GRAMD2B: variants seen among roughly 807,000 people sequenced by gnomAD.
The protein encoded by GRAMD2B is GRAM domain containing 2B, also known as GRAM domain-containing protein 2B.
Under a neutral mutation model 59.2 loss-of-function variants are expected in GRAMD2B, and 41 were observed. The observed-to-expected ratio is 0.69, with a 90% CI of 0.54 to 0.90. The LOEUF (loss-of-function observed/expected upper bound fraction) is 0.90. Among genes scored for constraint, GRAMD2B ranks in the 40% least tolerant of loss-of-function variants. GRAMD2B has a pLI of 0.00. For missense variants in GRAMD2B, 424 were observed against 500.5 expected (o/e 0.85, Z 1.46); for synonymous variants, 161 against 182.7 (o/e 0.88, Z 0.96).
intron 1 of GRAMD2B, among the ~76,000 whole-genome samples, chr5:126,395,062 T>A (rs917972815): frequency 1.0e-4 from 15 of 149,700 alleles, no homozygotes; most frequent in African/African-American, 3.7e-4. Flanking sequence ...TGCTTTTGGT[T>A]GCAGTTCTTA....
chr5:126,381,072 C>G (rs55873269), intron 1 of GRAMD2B, among the ~76,000 whole-genome samples: 1,754 of 152,084 alleles, frequency 0.012, 18 homozygotes, highest in South Asian at 0.019. Flanking sequence ...AAACTATGTC[C>G]CTTGTATGCT....
At chr5:126,398,342 T>C (rs1048078472) in intron 1 of GRAMD2B, among the ~76,000 whole-genome samples, 1 of 152,114 alleles carries the variant, frequency 6.6e-6, no homozygotes, top group Non-Finnish European at 1.5e-5. Context: ...TTCTGTATCT[T>C]CATGATTCAG....
chr5:126,376,735 G>A (rs903758503), intron 1 of GRAMD2B, among the ~76,000 whole-genome samples: 1 of 152,162 alleles, frequency 6.6e-6, no homozygotes, highest in African/African-American at 2.4e-5. Flanking sequence ...TGAGATGGAA[G>A]CATTCAAAGG....
intron 6 of GRAMD2B, 23 bp downstream of exon 6, chr5:126,477,810 G>A (rs1770914311): frequency 3.4e-6 from 5 of 1,453,358 alleles, no homozygotes; most frequent in Non-Finnish European, 3.9e-6. Context: ...CCGAGCGAGG[G>A]CATCTTTGCT....
chr5:126,364,532 C>T (rs1016151590), intron 1 of GRAMD2B, among the ~76,000 whole-genome samples: 3 of 152,164 alleles, frequency 2.0e-5, no homozygotes, highest in South Asian at 2.1e-4. Context: ...GTTGCTGGTA[C>T]GTTTTCATTC....
chr5:126,452,154 A>T (rs2126686857), intron 1 of GRAMD2B, among the ~76,000 whole-genome samples: 1 of 152,316 alleles, frequency 6.6e-6, no homozygotes, highest in South Asian at 2.1e-4. Context: ...TTTATTTCTC[A>T]TGGTTTTGGA....
intron 12 of GRAMD2B, among the ~76,000 whole-genome samples, chr5:126,487,966 G>C (rs1773256794): frequency 6.6e-6 from 1 of 152,150 alleles, no homozygotes; most frequent in Non-Finnish European, 1.5e-5. Flanking sequence ...CTGGGATGAG[G>C]CCTGAGAATT....
At chr5:126,437,378 T>C (rs1580983571) in intron 1 of GRAMD2B, among the ~76,000 whole-genome samples, 1 of 152,322 alleles carries the variant, frequency 6.6e-6, no homozygotes, top group East Asian at 1.9e-4. Context: ...GCGTGGATTA[T>C]GATGCCATTG....
At chr5:126,475,903 G>A (rs1391887882) in intron 5 of GRAMD2B, among the ~76,000 whole-genome samples, 2 of 152,224 alleles carry the variant, frequency 1.3e-5, no homozygotes, top group Non-Finnish European at 2.9e-5. Flanking sequence ...GAGGTCAGGA[G>A]TTTGAGACCA....
chr5:126,491,079 G>A (rs2126987635), intron 13 of GRAMD2B, among the ~76,000 whole-genome samples: 1 of 152,244 alleles, frequency 6.6e-6, no homozygotes, highest in South Asian at 2.1e-4. Context: ...AATTATTACT[G>A]AGGCTGAACA....
intron 6 of GRAMD2B, 38 bp downstream of exon 6, chr5:126,477,825 C>G: frequency 8.0e-7 from 1 of 1,247,398 alleles, no homozygotes; most frequent in Non-Finnish European, 1.2e-6. Flanking sequence ...TTTGCTTTGT[C>G]CTCCTGCTCT....
upstream of GRAMD2B, chr5:126,423,366 C>A: frequency 7.5e-7 from 1 of 1,331,664 alleles, no homozygotes; most frequent in Non-Finnish European, 9.6e-7. Flanking sequence ...CGCTTCGACC[C>A]TCCCCTTCCC....
At position 126,465,483 on chromosome 5, in the gene GRAMD2B, C is replaced by T. The variant is rs2126783867; in HGVS notation, c.141C>T (p.Ala47=). 1.2e-6 allele frequency: 2 copies of T among 1,614,142 alleles called. No homozygotes were observed. Among genetic ancestry groups the T allele is most frequent in the Non-Finnish European group, 1.7e-6 (2 of 1,180,032 alleles). Residue 47 remains alanine (A), a synonymous_variant, in exon 2 of 14, where the codon GCC becomes GCT. Transcript: ENST00000285689. ...AGAAAGCCTGCAGGTCGCCAACAGC[C>T]CAATCCCCTACCCCATCTGTGGAGG... is the stretch of plus-strand genomic sequence containing the variant. ...EKKKACRSPT[A]QSPTPSVEAD...
At chr5:126,388,620 G>A (rs1756405920) in intron 1 of GRAMD2B, among the ~76,000 whole-genome samples, 1 of 150,554 alleles carries the variant, frequency 6.6e-6, no homozygotes, top group Admixed American at 6.7e-5. Context: ...CACATTTTTG[G>A]GAATATTCAT....
chr5:126,410,086 C>G (rs1195094273), intron 1 of GRAMD2B, among the ~76,000 whole-genome samples: 1 of 151,946 alleles, frequency 6.6e-6, no homozygotes, highest in African/African-American at 2.4e-5. Context: ...GTTTTGGTTA[C>G]TGTAGCCTTG....
intron 13 of GRAMD2B, among the ~76,000 whole-genome samples, chr5:126,489,576 C>G (rs1458247158): frequency 3.3e-5 from 5 of 152,162 alleles, no homozygotes; most frequent in Non-Finnish European, 7.4e-5. Flanking sequence ...TTGATAAGGC[C>G]ACAGATGTAC....
chr5:126,401,233 T>A (rs1226677145), intron 1 of GRAMD2B, among the ~76,000 whole-genome samples: 1 of 152,002 alleles, frequency 6.6e-6, no homozygotes, highest in South Asian at 2.1e-4. Flanking sequence ...TTGCTTAAGC[T>A]CTCTATTGAA....
At chr5:126,465,780 A>T (rs1029491168) in intron 2 of GRAMD2B, among the ~76,000 whole-genome samples, 10 of 152,122 alleles carry the variant, frequency 6.6e-5, no homozygotes, top group African/African-American at 2.4e-4. Context: ...TTGCTAAGTG[A>T]TGAGGCCAGG....
chr5:126,386,058 T>C (rs995668466), intron 1 of GRAMD2B, among the ~76,000 whole-genome samples: 2 of 152,218 alleles, frequency 1.3e-5, no homozygotes, highest in Admixed American at 1.3e-4. Flanking sequence ...ACTTCAAAGC[T>C]TAATTATCCC....
Sources: allele counts gnomAD v4.1 joint callset (sites outside exome capture counted in the v4.1 genomes callset), GRCh38; gene constraint gnomAD v4.1.1; transcripts MANE v1.5; gene names NCBI Gene and HGNC (gene_info 2026-07-23, HGNC 2026-07-21).